Variants in SAXO1 observed in about 807,000 individuals in gnomAD.
SAXO1 encodes the protein 4930500O09Rik.
SAXO1 carries 21 observed loss-of-function variants against 17.5 expected under a neutral mutation model. That is an observed-to-expected ratio of 1.20 (90% CI 0.85 to 1.72). SAXO1 has a LOEUF of 1.72. Among genes scored for constraint, SAXO1 ranks in the 40% most tolerant of loss-of-function variants. SAXO1 has a pLI of 0.00. For missense variants in SAXO1, 843 were observed against 596.0 expected, an observed-to-expected ratio of 1.41 and a Z score of -4.32; for synonymous variants, 274 against 216.5, an observed-to-expected ratio of 1.27 and a Z score of -2.33.
chr9:19,015,157 A>G (rs1465906298), intron 1 of SAXO1, among the ~76,000 whole-genome samples: 1 of 152,132 alleles, frequency 6.6e-6, no homozygotes, highest in South Asian at 2.1e-4. Flanking sequence ...TTTTTAATCA[A>G]TAACTAAAAA....
intron 1 of SAXO1, among the ~76,000 whole-genome samples, chr9:19,031,986 C>T (rs1835794376): frequency 6.6e-6 from 1 of 152,186 alleles, no homozygotes; most frequent in Non-Finnish European, 1.5e-5. Flanking sequence ...AAGCACAATC[C>T]ATGTACCAGG....
chr9:19,010,399 A>G (rs1018663733), intron 1 of SAXO1, among the ~76,000 whole-genome samples: 3 of 151,968 alleles, frequency 2.0e-5, no homozygotes, highest in Admixed American at 2.0e-4. Context: ...AAGATAATCC[A>G]GGGGCTATTT....
intron 1 of SAXO1, among the ~76,000 whole-genome samples, chr9:18,979,604 C>G (rs1458220449): frequency 6.6e-6 from 1 of 152,210 alleles, no homozygotes; most frequent in Non-Finnish European, 1.5e-5. Context: ...ACTTCAGACT[C>G]TGGATTGGGA....
intron 1 of SAXO1, among the ~76,000 whole-genome samples, chr9:18,951,398 G>A (rs1301640926): frequency 6.6e-6 from 1 of 152,080 alleles, no homozygotes; most frequent in Non-Finnish European, 1.5e-5. Context: ...GTTAGCTCCT[G>A]GGTCAACTCG....
At chr9:18,992,774 A>AT (rs10707056) in intron 1 of SAXO1, among the ~76,000 whole-genome samples, 2,762 of 149,466 alleles carry the variant, frequency 0.018, 82 homozygotes, top group African/African-American at 0.062. Context: ...CTTAAGAGCT[A>AT]TTTTTTTTTT....
intron 2 of SAXO1, among the ~76,000 whole-genome samples, chr9:18,944,648 T>A (rs1305390627): frequency 6.6e-6 from 1 of 152,180 alleles, no homozygotes; most frequent in Non-Finnish European, 1.5e-5. Flanking sequence ...AGAGTTAAAC[T>A]CAGAGTTAAG....
At chr9:18,946,237 C>G (rs911396726) in intron 2 of SAXO1, among the ~76,000 whole-genome samples, 5 of 140,548 alleles carry the variant, frequency 3.6e-5, no homozygotes, top group South Asian at 2.3e-4. Flanking sequence ...GATCGTGCCA[C>G]TGCTCTCCAG....
chr9:18,962,188 C>G (rs1832515130), intron 1 of SAXO1, among the ~76,000 whole-genome samples: 1 of 152,170 alleles, frequency 6.6e-6, no homozygotes. Flanking sequence ...CTGCCTCAGC[C>G]TCCTAAGTAG....
intron 1 of SAXO1, among the ~76,000 whole-genome samples, chr9:19,008,302 T>C (rs1056530325): frequency 2.6e-5 from 4 of 152,144 alleles, no homozygotes; most frequent in Non-Finnish European, 5.9e-5. Context: ...TAGAAAAAGA[T>C]TGCTGATTTC....
intron 1 of SAXO1, among the ~76,000 whole-genome samples, chr9:18,997,419 G>A (rs1055971838): frequency 6.6e-6 from 1 of 152,268 alleles, no homozygotes; most frequent in Non-Finnish European, 1.5e-5. Context: ...TGAGGCTTGA[G>A]TAGGTAGTTC....
intron 1 of SAXO1, among the ~76,000 whole-genome samples, chr9:18,993,512 A>C (rs967385368): frequency 2.0e-5 from 3 of 152,168 alleles, no homozygotes; most frequent in Non-Finnish European, 4.4e-5. Context: ...GAAGGTGCAG[A>C]CATGTCCCAT....
At chr9:18,996,014 G>T (rs1833986085) in intron 1 of SAXO1, among the ~76,000 whole-genome samples, 1 of 151,500 alleles carries the variant, frequency 6.6e-6, no homozygotes, top group African/African-American at 2.4e-5. Flanking sequence ...AGGAGGTGGA[G>T]GTTGCAGTGA....
intron 3 of SAXO1, among the ~76,000 whole-genome samples, chr9:18,940,832 A>G (rs906447294): frequency 1.3e-5 from 2 of 152,230 alleles, no homozygotes; most frequent in Non-Finnish European, 2.9e-5. Flanking sequence ...TTCAGTTTCT[A>G]GGACCACACC....
intron 1 of SAXO1, among the ~76,000 whole-genome samples, chr9:19,002,541 C>T (rs181156464): frequency 1.1e-4 from 16 of 152,322 alleles, no homozygotes; most frequent in African/African-American, 3.9e-4. Flanking sequence ...AATGCTTATC[C>T]ACCACAATCA....
intron 3 of SAXO1, among the ~76,000 whole-genome samples, chr9:18,935,046 G>A (rs1326267488): frequency 6.6e-6 from 1 of 152,118 alleles, no homozygotes; most frequent in African/African-American, 2.4e-5. Context: ...TCCTGCCTCA[G>A]CCTCCTGAGT....
At chr9:18,962,974 T>C (rs930853067) in intron 1 of SAXO1, among the ~76,000 whole-genome samples, 1 of 152,228 alleles carries the variant, frequency 6.6e-6, no homozygotes, top group Non-Finnish European at 1.5e-5. Context: ...TTAATTTTTG[T>C]ATAAAGTGTA....
intron 1 of SAXO1, among the ~76,000 whole-genome samples, chr9:19,013,149 T>G (rs146614469): frequency 5.3e-5 from 8 of 151,962 alleles, no homozygotes; most frequent in African/African-American, 1.9e-4. Flanking sequence ...AAAAGGAATT[T>G]GTGAAAGACT....
At chr9:18,976,965 C>T (rs867443350) in intron 1 of SAXO1, among the ~76,000 whole-genome samples, 1 of 152,204 alleles carries the variant, frequency 6.6e-6, no homozygotes, top group African/African-American at 2.4e-5. Flanking sequence ...GCCTGGCTCA[C>T]GGCTGTTATC....
At chr9:18,962,823 T>G (rs1044694098) in intron 1 of SAXO1, among the ~76,000 whole-genome samples, 1 of 152,242 alleles carries the variant, frequency 6.6e-6, no homozygotes, top group Non-Finnish European at 1.5e-5. Context: ...TTTGTCAATT[T>G]TGGCTTTTGT....
Sources: allele counts gnomAD v4.1 joint callset (sites outside exome capture counted in the v4.1 genomes callset), GRCh38; gene constraint gnomAD v4.1.1; transcripts MANE v1.5; gene names NCBI Gene and HGNC (gene_info 2026-07-23, HGNC 2026-07-21).